The following MAML2 variants were observed in gnomAD, a reference collection of about 807,000 sequenced individuals.
MAML2 encodes the protein mastermind-like protein 2.
MAML2 carries 22 observed loss-of-function variants against 96.1 expected under a neutral mutation model. That is an observed-to-expected ratio of 0.23 (90% CI 0.16 to 0.33). The LOEUF (loss-of-function observed/expected upper bound fraction) is 0.33, where lower values mean the gene tolerates loss of function less well. MAML2 is among the 10% of genes least tolerant of loss of function. The pLI is 1.00. For synonymous variants in MAML2, 561 were observed against 521.3 expected, an observed-to-expected ratio of 1.08 and a Z score of -1.04; for missense variants, 1,367 against 1,392.4, an observed-to-expected ratio of 0.98 and a Z score of 0.29.
intron 1 of MAML2, among the ~76,000 whole-genome samples, chr11:96,184,426 C>G (rs542279893): frequency 6.8e-6 from 1 of 147,892 alleles, no homozygotes; most frequent in Non-Finnish European, 1.5e-5. Context: ...GGTGACAGAG[C>G]GAGACTCCAT....
intron 1 of MAML2, among the ~76,000 whole-genome samples, chr11:96,332,855 ATAAG>A (rs142337669): frequency 0.06 from 9,138 of 152,266 alleles, 491 homozygotes; most frequent in East Asian, 0.3. Context: ...CATTTTACAC[ATAAG>A]TAAGACACAG....
chr11:96,069,376 T>A (rs1490129954), intron 2 of MAML2, among the ~76,000 whole-genome samples: 1 of 152,182 alleles, frequency 6.6e-6, no homozygotes, highest in South Asian at 2.1e-4. Flanking sequence ...ATTTTTTAAT[T>A]AAGATAAACA....
At position 96,082,950 on chromosome 11, in the gene MAML2, T is replaced by A. The variant is rs190751421; in HGVS notation, c.2139+8942A>T. 6.0e-3 allele frequency among the ~76,000 whole-genome samples: 907 copies of A among 152,168 alleles called. 10 individuals are homozygous for A. Among genetic ancestry groups the A allele is most frequent in the African/African-American group, 0.021 (860 of 41,498 alleles). On this transcript the variant is annotated intron_variant, in intron 2 of 4. Transcript: ENST00000524717. The stretch of plus-strand genomic sequence containing the variant: ...GGGGTACAAGAGTTAATGAAAGTCA[T>A]TTTTGAAGAATGCTGGGGTTTGAAC...
chr11:96,044,352 G>A (rs1444931829), intron 2 of MAML2, among the ~76,000 whole-genome samples: 1 of 152,180 alleles, frequency 6.6e-6, no homozygotes, highest in African/African-American at 2.4e-5. Flanking sequence ...GACATGTAGG[G>A]TGGTGGTAAA....
intron 1 of MAML2, among the ~76,000 whole-genome samples, chr11:96,264,264 A>G (rs1250562340): frequency 6.6e-6 from 1 of 152,168 alleles, no homozygotes; most frequent in Non-Finnish European, 1.5e-5. Flanking sequence ...AAAGTATGGA[A>G]CCCATCCATG....
At chr11:96,073,860 G>A (rs1055300696) in intron 2 of MAML2, among the ~76,000 whole-genome samples, 1 of 143,706 alleles carries the variant, frequency 7.0e-6, no homozygotes, top group African/African-American at 2.6e-5. Context: ...TGTGTAGATT[G>A]TGCAGGCTAA....
chr11:96,243,292 A>T (rs1299724611), intron 1 of MAML2, among the ~76,000 whole-genome samples: 2 of 152,198 alleles, frequency 1.3e-5, no homozygotes, highest in Non-Finnish European at 2.9e-5. Context: ...CGGCCTCCAG[A>T]CCAATGAGAA....
At chr11:96,113,824 A>G (rs1355400599) in intron 1 of MAML2, among the ~76,000 whole-genome samples, 1 of 152,144 alleles carries the variant, frequency 6.6e-6, no homozygotes, top group Admixed American at 6.5e-5. Context: ...CCTTGAAACC[A>G]CTGAAAGCAT....
rs566547220 is a variant in MAML2, at chr11:96,036,511, G to A, written c.2140-44788C>T. Among the ~76,000 whole-genome samples the A allele has an allele frequency of 3.3e-5, 5 of 152,268 alleles. No individual in the cohort carries two copies. In the South Asian group the frequency reaches 1.0e-3, roughly 32 times the overall value. ...CACCACAATCACAGTTGCAGTGGAC[G>A]GTGAAAAAGCACTTGGTGTGAAAAT... On this transcript the variant is annotated intron_variant, in intron 2 of 4. Transcript: ENST00000524717.
chr11:96,102,504 A>G (rs1859952472), intron 1 of MAML2, among the ~76,000 whole-genome samples: 1 of 152,178 alleles, frequency 6.6e-6, no homozygotes, highest in Non-Finnish European at 1.5e-5. Context: ...CTTATAATGA[A>G]GTACCCCTCA....
intron 1 of MAML2, among the ~76,000 whole-genome samples, chr11:96,280,959 A>G (rs1863055772): frequency 6.6e-6 from 1 of 152,228 alleles, no homozygotes; most frequent in Non-Finnish European, 1.5e-5. Context: ...AACAATGTAT[A>G]TGTATATCAG....
chr11:96,146,695 C>A (rs1860827690), intron 1 of MAML2, among the ~76,000 whole-genome samples: 1 of 152,196 alleles, frequency 6.6e-6, no homozygotes, highest in Admixed American at 6.5e-5. Context: ...CCTCATCCTA[C>A]AACATGGACT....
At chr11:96,011,547 A>G (rs1412835056) in intron 2 of MAML2, among the ~76,000 whole-genome samples, 2 of 152,132 alleles carry the variant, frequency 1.3e-5, no homozygotes, top group East Asian at 3.9e-4. Flanking sequence ...GCTGGGAACA[A>G]CAGACACTGG....
intron 1 of MAML2, among the ~76,000 whole-genome samples, chr11:96,126,580 A>C (rs767661384): frequency 6.6e-6 from 1 of 152,152 alleles, no homozygotes; most frequent in African/African-American, 2.4e-5. Flanking sequence ...AAAAAATAGA[A>C]TAGTAGAGAA....
In MAML2 at chr11:95,976,763, C is replaced by G. The variant is rs1347244402; in HGVS notation, c.*2185G>C. 5.4e-6 allele frequency: 1 copy of G among 184,092 alleles called. No individual in the cohort carries two copies. The highest frequency in any genetic ancestry group is 2.3e-5 in the African/African-American group (1 of 42,578). The allele number at this position is 184,092 out of a possible 1,614,324, so 11.4% of individuals were successfully genotyped here. On this transcript the variant is annotated 3_prime_UTR_variant, in exon 5 of 5. Coordinates refer to ENST00000524717, the MANE Select transcript of MAML2 (RefSeq NM_032427.4). The stretch of plus-strand genomic sequence containing the variant: ...TTATGTTAGGGTAAAAATAAGCTGA[C>G]TCACAGGAGTGTAACTGGGAAGTGC...
intron 1 of MAML2, among the ~76,000 whole-genome samples, chr11:96,121,780 A>ATTTTTGTTTTTTTTTTTTTTTTTT (rs1860346339): frequency 2.8e-5 from 1 of 35,238 alleles, no homozygotes; most frequent in Non-Finnish European, 4.9e-5. Context: ...CAACTGCGTG[A>ATTTTTGTTTTTTTTTTTTTTTTTT]TTTTTTTTTT....
At chr11:96,310,768 G>GA (rs1565280441) in intron 1 of MAML2, among the ~76,000 whole-genome samples, 1 of 152,174 alleles carries the variant, frequency 6.6e-6, no homozygotes, top group Non-Finnish European at 1.5e-5. Flanking sequence ...TGTAAAAAGG[G>GA]AAAATATGGT....
chr11:96,225,294 A>G (rs1407437629), intron 1 of MAML2, among the ~76,000 whole-genome samples: 1 of 152,220 alleles, frequency 6.6e-6, no homozygotes, highest in Non-Finnish European at 1.5e-5. Flanking sequence ...CCACCATGTC[A>G]GGAGGACAAT....
chr11:96,183,145 G>T lies in MAML2; in HGVS notation c.514-89628C>A, dbSNP rs186680499. ...GCTAATTTTTTGTATTTTTAGTAGA[G>T]ACAGGGTTACATCATGTTGGCCAGG... On this transcript the variant is annotated intron_variant, in intron 1 of 4. Transcript: ENST00000524717. Among the ~76,000 whole-genome samples the T allele has an allele frequency of 2.0e-3, 305 of 151,970 alleles. 1 individual carries two copies. The highest frequency in any genetic ancestry group is 2.5e-3 in the Non-Finnish European group (172 of 67,922).
Sources: allele counts gnomAD v4.1 joint callset (sites outside exome capture counted in the v4.1 genomes callset), GRCh38; gene constraint gnomAD v4.1.1; transcripts MANE v1.5; gene names NCBI Gene and HGNC (gene_info 2026-07-23, HGNC 2026-07-21).